GREM2: variants seen among roughly 807,000 people sequenced by gnomAD.
GREM2 encodes the protein gremlin-2.
In GREM2, 11 loss-of-function variants were observed where a neutral mutation model predicts 14.2. The ratio of observed to expected loss-of-function variants is 0.78; its 90% CI spans 0.49 to 1.28. The LOEUF is 1.28. Ranked by LOEUF, GREM2 falls within the 50% of genes most tolerant of loss-of-function variation. The pLI, the probability that GREM2 is intolerant of heterozygous loss-of-function variation, is 0.00. For missense variants in GREM2, 210 were observed against 218.5 expected (o/e 0.96, Z 0.24); for synonymous variants, 98 against 97.6 (o/e 1.00, Z -0.02).
chr1:240,526,334 T>C (rs1678221535), intron 1 of GREM2, among the ~76,000 whole-genome samples: 1 of 152,182 alleles, frequency 6.6e-6, no homozygotes, highest in East Asian at 1.9e-4. Flanking sequence ...ATGGGTAGTT[T>C]GGGGGTGATT....
At chr1:240,592,305 CTT>C (rs1386260329) in intron 1 of GREM2, among the ~76,000 whole-genome samples, 2 of 152,074 alleles carry the variant, frequency 1.3e-5, no homozygotes, top group Non-Finnish European at 2.9e-5. Context: ...TGACTTATAA[CTT>C]TTTATTGTGC....
At chr1:240,580,972 C>T (rs115499010) in intron 1 of GREM2, among the ~76,000 whole-genome samples, 3,233 of 152,058 alleles carry the variant, frequency 0.021, 80 homozygotes, top group African/African-American at 0.056. Flanking sequence ...TAAACTCAGC[C>T]GCGCCAGTGG....
intron 1 of GREM2, among the ~76,000 whole-genome samples, chr1:240,535,035 A>C (rs542220613): frequency 6.6e-6 from 1 of 152,250 alleles, no homozygotes; most frequent in African/African-American, 2.4e-5. Flanking sequence ...TCTAGTAGTT[A>C]TTATATAAAT....
intron 1 of GREM2, among the ~76,000 whole-genome samples, chr1:240,536,705 CTGGAAG>C: frequency 2.4e-5 from 3 of 124,500 alleles, no homozygotes; most frequent in African/African-American, 9.2e-5. Flanking sequence ...GGCTGTAGAT[CTGGAAG>C]CCATCTGTAG....
intron 1 of GREM2, among the ~76,000 whole-genome samples, chr1:240,518,467 T>C (rs760606330): frequency 1.3e-5 from 2 of 152,214 alleles, no homozygotes; most frequent in Non-Finnish European, 2.9e-5. Flanking sequence ...ACTTGCTTTT[T>C]CTTTAAAGGA....
intron 1 of GREM2, among the ~76,000 whole-genome samples, chr1:240,510,084 G>A (rs940708095): frequency 6.6e-6 from 1 of 152,008 alleles, no homozygotes. Context: ...AAAAGCAAAT[G>A]GTAGGCCGGG....
intron 1 of GREM2, among the ~76,000 whole-genome samples, chr1:240,526,276 A>C (rs1249388006): frequency 6.6e-6 from 1 of 152,188 alleles, no homozygotes; most frequent in Non-Finnish European, 1.5e-5. Context: ...TCATCCTGAG[A>C]CATTAGGAGT....
intron 1 of GREM2, among the ~76,000 whole-genome samples, chr1:240,573,822 T>C (rs1000182593): frequency 1.3e-5 from 2 of 152,132 alleles, no homozygotes; most frequent in Admixed American, 6.6e-5. Flanking sequence ...ATAGCCTGAG[T>C]TGCGGGTAGA....
chr1:240,598,380 A>G (rs556134866), intron 1 of GREM2, among the ~76,000 whole-genome samples: 1 of 152,350 alleles, frequency 6.6e-6, no homozygotes, highest in East Asian at 1.9e-4. Flanking sequence ...TACAATCACT[A>G]TAAAAGGAAA....
At chr1:240,526,803 C>T (rs1054938696) in intron 1 of GREM2, among the ~76,000 whole-genome samples, 7 of 152,112 alleles carry the variant, frequency 4.6e-5, no homozygotes, top group South Asian at 4.1e-4. Flanking sequence ...AATATTTACA[C>T]GCAGCAAAAA....
chr1:240,509,825 T>C (rs1057100217), intron 1 of GREM2, among the ~76,000 whole-genome samples: 2 of 152,126 alleles, frequency 1.3e-5, no homozygotes, highest in African/African-American at 2.4e-5. Context: ...TAGAAGGAAT[T>C]CTGCATATTC....
At chr1:240,590,990 C>T (rs1030000193) in intron 1 of GREM2, among the ~76,000 whole-genome samples, 1 of 151,306 alleles carries the variant, frequency 6.6e-6, no homozygotes, top group South Asian at 2.1e-4. Context: ...CCAGGTTGGC[C>T]AGGCTGGTCT....
intron 1 of GREM2, among the ~76,000 whole-genome samples, chr1:240,560,379 A>G (rs1679016559): frequency 6.6e-6 from 1 of 152,166 alleles, no homozygotes; most frequent in African/African-American, 2.4e-5. Flanking sequence ...GGACACCCAG[A>G]AAACGTCTCA....
intron 1 of GREM2, among the ~76,000 whole-genome samples, chr1:240,539,990 G>T (rs975589896): frequency 1.1e-4 from 17 of 152,084 alleles, no homozygotes; most frequent in African/African-American, 4.1e-4. Flanking sequence ...TGAGTATGAG[G>T]GCTGCGGTAA....
intron 1 of GREM2, among the ~76,000 whole-genome samples, chr1:240,548,390 T>C (rs890243556): frequency 1.3e-5 from 2 of 152,212 alleles, no homozygotes; most frequent in African/African-American, 4.8e-5. Context: ...CCCATGTCTT[T>C]TCCAATTCTT....
At chr1:240,579,384 C>T (rs985465119) in intron 1 of GREM2, among the ~76,000 whole-genome samples, 1 of 152,162 alleles carries the variant, frequency 6.6e-6, no homozygotes, top group African/African-American at 2.4e-5. Context: ...CCCACAGTGG[C>T]ATTACGCAAA....
intron 1 of GREM2, among the ~76,000 whole-genome samples, chr1:240,606,857 T>C (rs960920078): frequency 7.2e-5 from 11 of 152,000 alleles, no homozygotes; most frequent in African/African-American, 2.7e-4. Context: ...TTTGTATTTT[T>C]AGTAGAGACG....
At position 240,597,844 on chromosome 1, in the gene GREM2, C is replaced by T. The variant is rs1370549851; in HGVS notation, c.-2+14040G>A. Among the ~76,000 whole-genome samples, 7 of 152,118 alleles carry T rather than the reference C, an allele frequency of 4.6e-5. 1 individual carries two copies. The South Asian group carries it at 1.0e-3, about 23-fold the overall frequency. On this transcript the variant is annotated intron_variant, in intron 1 of 1. Transcript: ENST00000318160. ...CCCAAGTTGCTCATCTTTTCATGCA[C>T]CCCCGAAACATTTTCTAAGCAACTA...
intron 1 of GREM2, among the ~76,000 whole-genome samples, chr1:240,514,746 A>G (rs1677914491): frequency 6.6e-6 from 1 of 152,176 alleles, no homozygotes; most frequent in African/African-American, 2.4e-5. Flanking sequence ...AAAAAAATTT[A>G]AAAATTAGCT....
Sources: gnomAD v4.1 joint callset for allele counts (sites outside exome capture counted in the v4.1 genomes callset) on GRCh38, gnomAD v4.1.1 for gene constraint, MANE v1.5 for transcripts, NCBI Gene and HGNC (gene_info 2026-07-23, HGNC 2026-07-21) for gene names.